Variants in PDE4D observed in about 807,000 individuals in gnomAD.
PDE4D encodes phosphodiesterase 4D, also known as 3',5'-cyclic-AMP phosphodiesterase 4D.
PDE4D carries 24 observed loss-of-function variants against 87.4 expected under a neutral mutation model. The observed-to-expected ratio is 0.27, with a 90% CI of 0.20 to 0.39. PDE4D has a LOEUF of 0.39. PDE4D is among the 10% of genes least tolerant of loss of function. PDE4D has a pLI of 1.00. For synonymous variants in PDE4D, 384 were observed against 383.2 expected (o/e 1.00, Z -0.02); for missense variants, 714 against 1,041.0 (o/e 0.69, Z 4.32).
At chr5:59,191,465 T>C (rs1272154629) in intron 3 of PDE4D, among the ~76,000 whole-genome samples, 1 of 152,142 alleles carries the variant, frequency 6.6e-6, no homozygotes, top group Non-Finnish European at 1.5e-5. Context: ...GAACTCAAAT[T>C]GGAATGATTG....
At chr5:59,408,028 T>C (rs1349180145) in intron 1 of PDE4D, among the ~76,000 whole-genome samples, 1 of 152,204 alleles carries the variant, frequency 6.6e-6, no homozygotes, top group Non-Finnish European at 1.5e-5. Flanking sequence ...CAAGCAATCA[T>C]TTGCTAGGGA....
intron 1 of PDE4D, among the ~76,000 whole-genome samples, chr5:60,366,043 CAA>C (rs201694311): frequency 3.1e-4 from 22 of 70,666 alleles, no homozygotes; most frequent in Non-Finnish European, 3.1e-4. Flanking sequence ...GACTCTGTCT[CAA>C]AAAAAAAAAA....
intron 11 of PDE4D, among the ~76,000 whole-genome samples, chr5:58,978,180 C>T (rs1377360069): frequency 1.3e-5 from 2 of 152,052 alleles, no homozygotes; most frequent in African/African-American, 2.4e-5. Context: ...AAAGCAAATC[C>T]GAGGCAGGAG....
intron 1 of PDE4D, among the ~76,000 whole-genome samples, chr5:59,278,418 T>C (rs1243165421): frequency 1.3e-5 from 2 of 152,148 alleles, no homozygotes; most frequent in Non-Finnish European, 2.9e-5. Context: ...TATTTCTCAG[T>C]ATTTCCCTGT....
chr5:60,148,363 A>G (rs539905163), intron 2 of PDE4D, among the ~76,000 whole-genome samples: 2 of 152,278 alleles, frequency 1.3e-5, no homozygotes, highest in South Asian at 4.1e-4. Context: ...AATAATAAAA[A>G]TCATTGTTTA....
chr5:59,043,707 C>A (rs906233687), intron 5 of PDE4D, among the ~76,000 whole-genome samples: 1 of 148,702 alleles, frequency 6.7e-6, no homozygotes, highest in African/African-American at 2.5e-5. Flanking sequence ...CCTCCCCCTT[C>A]CCCCCACCCC....
chr5:60,207,798 T>C (rs557899606), intron 1 of PDE4D, among the ~76,000 whole-genome samples: 1 of 152,344 alleles, frequency 6.6e-6, no homozygotes, highest in Admixed American at 6.5e-5. Context: ...ACATTTAGTA[T>C]TGAATCAATC....
At chr5:59,189,575 G>A (rs972574987) in intron 3 of PDE4D, among the ~76,000 whole-genome samples, 6 of 151,988 alleles carry the variant, frequency 3.9e-5, no homozygotes, top group African/African-American at 1.4e-4. Context: ...CACTGAGCCC[G>A]GAGGCAGCTG....
chr5:59,874,625 A>G (rs1748292644), intron 1 of PDE4D, among the ~76,000 whole-genome samples: 1 of 152,190 alleles, frequency 6.6e-6, no homozygotes, highest in Non-Finnish European at 1.5e-5. Context: ...ATTATATGTA[A>G]AAAAGAACCA....
intron 3 of PDE4D, among the ~76,000 whole-genome samples, chr5:59,961,875 G>A (rs550214328): frequency 1.2e-4 from 18 of 152,180 alleles, no homozygotes; most frequent in South Asian, 1.0e-3. Flanking sequence ...GCTCTGGGGC[G>A]GTGCCCTGGC....
chr5:59,018,599 C>T (rs989710543), intron 6 of PDE4D, among the ~76,000 whole-genome samples: 1 of 152,186 alleles, frequency 6.6e-6, no homozygotes, highest in African/African-American at 2.4e-5. Flanking sequence ...CTATCACCTT[C>T]CCCTAACAGC....
chr5:59,644,423 C>G (rs1183873471), intron 1 of PDE4D, among the ~76,000 whole-genome samples: 1 of 152,166 alleles, frequency 6.6e-6, no homozygotes, highest in Non-Finnish European at 1.5e-5. Flanking sequence ...AGGTACCTGA[C>G]TCATCTTTGG....
chr5:60,356,617 A>C (rs2149941762), intron 1 of PDE4D, among the ~76,000 whole-genome samples: 1 of 152,246 alleles, frequency 6.6e-6, no homozygotes, highest in Admixed American at 6.5e-5. Flanking sequence ...ATTTCTTTTG[A>C]GAAATTTACT....
At chr5:60,257,628 C>T (rs555864386) in intron 1 of PDE4D, among the ~76,000 whole-genome samples, 95 of 151,920 alleles carry the variant, frequency 6.3e-4, no homozygotes, top group African/African-American at 2.3e-3. Flanking sequence ...TTTGTTACAT[C>T]CAGGGATTTG....
intron 1 of PDE4D, among the ~76,000 whole-genome samples, chr5:59,380,763 C>T (rs1425442061): frequency 2.0e-5 from 3 of 151,712 alleles, no homozygotes; most frequent in Non-Finnish European, 4.4e-5. Context: ...TGAAGGGGGC[C>T]AACATACATC....
At chr5:59,171,395 A>G (rs992170562) in intron 5 of PDE4D, among the ~76,000 whole-genome samples, 8 of 152,048 alleles carry the variant, frequency 5.3e-5, no homozygotes, top group African/African-American at 1.9e-4. Flanking sequence ...CTTCTTTTCA[A>G]TCTCTTTCTA....
At chr5:59,939,729 T>TGAAG (rs1241188401) in intron 3 of PDE4D, among the ~76,000 whole-genome samples, 1 of 151,764 alleles carries the variant, frequency 6.6e-6, no homozygotes, top group Non-Finnish European at 1.5e-5. Flanking sequence ...ATAACTAATG[T>TGAAG]GAAGGAAGGA....
chr5:60,068,977 G>A (rs570624186), intron 2 of PDE4D, among the ~76,000 whole-genome samples: 4 of 152,280 alleles, frequency 2.6e-5, no homozygotes, highest in African/African-American at 9.6e-5. Context: ...TAGTTTTATA[G>A]TCTTGGTCTA....
At chr5:59,394,176 A>G (rs1359327937) in intron 1 of PDE4D, among the ~76,000 whole-genome samples, 3 of 152,228 alleles carry the variant, frequency 2.0e-5, no homozygotes, top group African/African-American at 7.2e-5. Context: ...GATAAATGAC[A>G]GCAGATGGAA....
Sources: allele counts gnomAD v4.1 joint callset (sites outside exome capture counted in the v4.1 genomes callset), GRCh38; gene constraint gnomAD v4.1.1; transcripts MANE v1.5; gene names NCBI Gene and HGNC (gene_info 2026-07-23, HGNC 2026-07-21).